Variants in SYT17 observed in about 807,000 individuals in gnomAD.
SYT17 encodes the protein synaptotagmin 17.
In SYT17, 22 loss-of-function variants were observed where a neutral mutation model predicts 46.7. The observed-to-expected ratio is 0.47, with a 90% CI of 0.34 to 0.67. The LOEUF is 0.67. Ranked by LOEUF, SYT17 falls within the 30% of genes least tolerant of loss-of-function variation. The pLI, the probability that SYT17 is intolerant of heterozygous loss-of-function variation, is 0.01. For synonymous variants in SYT17, 251 were observed against 248.4 expected, an observed-to-expected ratio of 1.01 and a Z score of -0.10; for missense variants, 519 against 612.8, an observed-to-expected ratio of 0.85 and a Z score of 1.62.
At chr16:19,207,834 A>G (rs991986946) in intron 5 of SYT17, among the ~76,000 whole-genome samples, 1 of 152,070 alleles carries the variant, frequency 6.6e-6, no homozygotes. Flanking sequence ...CCAGGAGTTC[A>G]AGGCTGCGAG....
intron 5 of SYT17, among the ~76,000 whole-genome samples, chr16:19,213,814 G>A (rs956063665): frequency 6.6e-6 from 1 of 152,180 alleles, no homozygotes; most frequent in Admixed American, 6.5e-5. Context: ...AGAGGCTCAA[G>A]CCACTGCACC....
intron 5 of SYT17, among the ~76,000 whole-genome samples, chr16:19,201,884 G>C (rs1965481512): frequency 6.6e-6 from 1 of 152,114 alleles, no homozygotes; most frequent in South Asian, 2.1e-4. Flanking sequence ...TGACATTGGG[G>C]AAGTTACTTG....
At position 19,267,436 on chromosome 16, in the gene SYT17, T is replaced by G. The variant is rs957997026; in HGVS notation, c.*360T>G. On this transcript the variant is annotated 3_prime_UTR_variant, in exon 8 of 8. Transcript: ENST00000355377. Reference sequence around the variant, plus strand: ...GCCAGAGAAAGGACCTCCCAAAGGGTGCCAAGCTCCATCAAGACTAAATTT... The same window carrying G: ...GCCAGAGAAAGGACCTCCCAAAGGGGGCCAAGCTCCATCAAGACTAAATTT... The G allele has an allele frequency of 2.7e-4, 46 of 170,738 alleles. No individual in the cohort carries two copies. The Admixed American group carries it at 2.8e-3, about 11-fold the overall frequency. 10.6% of individuals were successfully genotyped at this position (170,738 alleles called of 1,614,324 possible). A position where few individuals can be genotyped will look rare whatever the true frequency, so the allele number is the denominator to read the frequency against.
At chr16:19,218,016 T>C (rs1966161535) in intron 5 of SYT17, among the ~76,000 whole-genome samples, 1 of 152,256 alleles carries the variant, frequency 6.6e-6, no homozygotes, top group Non-Finnish European at 1.5e-5. Context: ...AACCTTGTTC[T>C]TTTTGTTTAT....
At chr16:19,240,068 A>G (rs912271596) in intron 7 of SYT17, among the ~76,000 whole-genome samples, 1 of 152,222 alleles carries the variant, frequency 6.6e-6, no homozygotes, top group African/African-American at 2.4e-5. Context: ...CCAAAGGGGA[A>G]GTCACAAACC....
chr16:19,201,829 A>T (rs1362511507), intron 5 of SYT17, among the ~76,000 whole-genome samples: 1 of 152,116 alleles, frequency 6.6e-6, no homozygotes, highest in Non-Finnish European at 1.5e-5. Context: ...CTTACTGAGC[A>T]CTTGCTTAGT....
chr16:19,220,303 C>CTTTTTTTTTTTTTTTTTTTTTTTTTTTT (rs1555459738), intron 5 of SYT17, among the ~76,000 whole-genome samples: 3 of 80,512 alleles, frequency 3.7e-5, no homozygotes, highest in African/African-American at 1.0e-4. Context: ...TTCTTTCTTT[C>CTTTTTTTTTTTTTTTTTTTTTTTTTTTT]TTTTTTTTTT....
intron 7 of SYT17, among the ~76,000 whole-genome samples, chr16:19,266,070 A>G (rs1024229833): frequency 6.6e-6 from 1 of 152,222 alleles, no homozygotes; most frequent in African/African-American, 2.4e-5. Context: ...ACATTATTTC[A>G]TAGAAATTGC....
At chr16:19,257,494 A>T (rs1968659974) in intron 7 of SYT17, among the ~76,000 whole-genome samples, 1 of 152,072 alleles carries the variant, frequency 6.6e-6, no homozygotes, top group South Asian at 2.1e-4. Context: ...CAAAAGTTGG[A>T]AAGACAATGA....
At chr16:19,174,921 C>A (rs1964254933) in intron 3 of SYT17, among the ~76,000 whole-genome samples, 1 of 152,042 alleles carries the variant, frequency 6.6e-6, no homozygotes, top group African/African-American at 2.4e-5. Flanking sequence ...ATTTCGAGAC[C>A]AGCCTGGGCC....
intron 7 of SYT17, chr16:19,249,851 C>T: frequency 7.3e-7 from 1 of 1,367,502 alleles, no homozygotes; most frequent in Non-Finnish European, 9.8e-7. Context: ...AACCTGGAGT[C>T]ACTGGGGGCT....
chr16:19,176,523 G>C (rs1169149601), intron 3 of SYT17, among the ~76,000 whole-genome samples: 1 of 152,222 alleles, frequency 6.6e-6, no homozygotes, highest in Non-Finnish European at 1.5e-5. Flanking sequence ...TTGTTATGCA[G>C]AAGCAGCTGT....
intron 5 of SYT17, among the ~76,000 whole-genome samples, chr16:19,216,835 T>G (rs1478556476): frequency 6.6e-6 from 1 of 152,248 alleles, no homozygotes; most frequent in Non-Finnish European, 1.5e-5. Flanking sequence ...ATTGCCACAA[T>G]AAACATACAT....
intron 7 of SYT17, among the ~76,000 whole-genome samples, chr16:19,227,163 C>T (rs1285561294): frequency 1.3e-5 from 2 of 152,122 alleles, no homozygotes; most frequent in African/African-American, 4.8e-5. Flanking sequence ...AGCACTGTGC[C>T]ACCCATAGTA....
intron 7 of SYT17, among the ~76,000 whole-genome samples, chr16:19,255,189 T>C (rs1248399646): frequency 6.6e-6 from 1 of 152,196 alleles, no homozygotes; most frequent in African/African-American, 2.4e-5. Context: ...GAATCTGCCA[T>C]AGTCTTTTGA....
intron 1 of SYT17, 51 bp from the exon 2 acceptor site, chr16:19,172,709 C>T (rs1296322726): frequency 2.5e-6 from 4 of 1,605,642 alleles, no homozygotes; most frequent in South Asian, 1.1e-5. Flanking sequence ...CTTTCTTTAA[C>T]CCCTTCGTTC....
Position 19,183,381 on chromosome 16 carries a change from G to GA in SYT17, c.332-145dup. On this transcript the variant is annotated intron_variant, in intron 4 of 7. Transcript: ENST00000355377. This position sits in a 1 kb window ranked among gnomAD's most constrained non-coding sequence, Gnocchi z 5.6. ...TAGTGCCACCAAACTATCTGTCACA[G>GA]AATCAGTGAGTATTTCAGAGTGTGG... 8.4e-7 allele frequency: 1 copy of GA among 1,190,498 alleles called. No individual in the cohort carries two copies. Among genetic ancestry groups the GA allele is most frequent in the Non-Finnish European group, 1.2e-6 (1 of 852,902 alleles). 73.7% of individuals were successfully genotyped at this position (1,190,498 alleles called of 1,614,324 possible). A position where few individuals can be genotyped will look rare whatever the true frequency, so the allele number is the denominator to read the frequency against.
rs145275597 is a variant in SYT17, at chr16:19,255,465, A to C, written c.1229-11415A>C. ...AAAAATGCCTCCAGATTGTGGGGTA[A>C]AATTGGCCCCTGTTGAAAACAAATG... is the stretch of plus-strand genomic sequence containing the variant. On this transcript the variant is annotated intron_variant, in intron 7 of 7. Transcript: ENST00000355377. Among the ~76,000 whole-genome samples the C allele has an allele frequency of 1.1e-4, 17 of 152,232 alleles. No homozygotes were observed. The East Asian group carries it at 2.9e-3, about 26-fold the overall frequency.
At chr16:19,225,612 T>C (rs1243214546) in intron 7 of SYT17, among the ~76,000 whole-genome samples, 1 of 152,218 alleles carries the variant, frequency 6.6e-6, no homozygotes, top group Non-Finnish European at 1.5e-5. Flanking sequence ...TGGCTGAGGC[T>C]GCAGCCTCAT....
Sources: allele counts gnomAD v4.1 joint callset (sites outside exome capture counted in the v4.1 genomes callset), GRCh38; gene constraint gnomAD v4.1.1; non-coding constraint Gnocchi (gnomAD v3.1); transcripts MANE v1.5; gene names NCBI Gene and HGNC (gene_info 2026-07-23, HGNC 2026-07-21).